Variants in MDN1 observed in about 807,000 individuals in gnomAD.
MDN1 encodes midasin AAA ATPase 1.
In MDN1, 266 loss-of-function variants were observed where a neutral mutation model predicts 669.2. That is an observed-to-expected ratio of 0.40 (90% confidence interval 0.36 to 0.44). The LOEUF is 0.44. Among genes scored for constraint, MDN1 ranks in the 20% least tolerant of loss-of-function variants. MDN1 has a pLI of 1.00. For missense variants in MDN1, 5,940 were observed against 6,754.0 expected, an observed-to-expected ratio of 0.88 and a Z score of 4.22; for synonymous variants, 2,385 against 2,457.1, an observed-to-expected ratio of 0.97 and a Z score of 0.87.
chr6:89,753,427 T>C lies in MDN1; in HGVS notation c.3075+85A>G, dbSNP rs552671673. The C allele has an allele frequency of 2.0e-5, 19 of 962,240 alleles. No homozygotes were observed. The East Asian group carries it at 3.7e-4, about 19-fold the overall frequency. 59.6% of individuals were successfully genotyped at this position (962,240 alleles called of 1,614,324 possible). ...GATTACCTTTATAATTAAAAAGTTA[T>C]GTGAAAAAAAAAAAACCAAACAGCT... On this transcript the variant is annotated intron_variant, in intron 22 of 101. Transcript: ENST00000369393.
chr6:89,680,614 A>G lies in MDN1; in HGVS notation c.12240T>C (p.Leu4080=), dbSNP rs574566251. The G allele has an allele frequency of 5.6e-6, 9 of 1,614,146 alleles. 1 individual carries two copies. In the African/African-American group the frequency reaches 1.2e-4, roughly 22 times the overall value. The change falls in exon 74 of 102, where the codon CTT becomes CTC. Residue 4080 remains leucine, a synonymous_variant. Coordinates refer to ENST00000369393, the MANE Select transcript of MDN1 (RefSeq NM_014611.3). Reference sequence around the variant, plus strand: ...CTGTGAACTGATCAAGGCCCTCCACAAGGCGAGGCAGGGGGCTCTCCTTCA... The same window carrying G: ...CTGTGAACTGATCAAGGCCCTCCACGAGGCGAGGCAGGGGGCTCTCCTTCA... The part of the protein sequence containing the change: ...TFMKESPLPR[L]VEGLDQFTGE...
Position 89,751,598 on chromosome 6 carries a change from G to T in MDN1, c.3076-16C>A. 1.9e-6 allele frequency: 3 copies of T among 1,611,216 alleles called. No homozygotes were observed. The highest frequency in any genetic ancestry group is 2.5e-6 in the Non-Finnish European group (3 of 1,178,846). On this transcript the variant is annotated splice_polypyrimidine_tract_variant and intron_variant, in intron 22 of 101. Transcript: ENST00000369393. ...CTGGAATAGGCTGAAAGACACAGAA[G>T]TTCAAGGAATAACCCACAGTTGTAC... is the stretch of plus-strand genomic sequence containing the variant.
intron 64 of MDN1, 132 bp downstream of exon 64, chr6:89,690,541 G>C (rs964439716): frequency 3.4e-6 from 4 of 1,176,710 alleles, no homozygotes; most frequent in East Asian, 2.5e-5. Context: ...CTGGGTGATA[G>C]AGCAAGACCC....
intron 35 of MDN1, among the ~76,000 whole-genome samples, chr6:89,730,061 T>A (rs1815493608): frequency 6.6e-6 from 1 of 152,206 alleles, no homozygotes; most frequent in South Asian, 2.1e-4. Flanking sequence ...ATGACTCTGC[T>A]ACAGAAACAA....
chr6:89,710,860 T>C, intron 49 of MDN1, 66 bp from the exon 50 acceptor site: 1 of 906,552 alleles, frequency 1.1e-6, no homozygotes, highest in Non-Finnish European at 1.7e-6. Flanking sequence ...CGTTCTGCAG[T>C]GATGAAAATG....
At chr6:89,703,157 G>A (rs899278504) in intron 53 of MDN1, among the ~76,000 whole-genome samples, 9 of 151,880 alleles carry the variant, frequency 5.9e-5, no homozygotes, top group South Asian at 2.1e-4. Flanking sequence ...GCCTGGTCTC[G>A]AACTCCTAAC....
chr6:89,662,025 T>G, intron 87 of MDN1, 62 bp downstream of exon 87: 1 of 1,550,098 alleles, frequency 6.5e-7, no homozygotes, highest in Non-Finnish European at 8.7e-7. Context: ...CCTTGAGAAC[T>G]ATACAGCTCA....
chr6:89,655,579 CCT>C (rs939690071), intron 92 of MDN1, among the ~76,000 whole-genome samples, 183 bp downstream of exon 92: 3 of 152,188 alleles, frequency 2.0e-5, no homozygotes, highest in African/African-American at 2.4e-5. Flanking sequence ...TCCTCTCTCC[CCT>C]GATATAAGTG....
rs1466048002 is a variant in MDN1, at chr6:89,680,563, C to T, written c.12265+26G>A. The stretch of plus-strand genomic sequence containing the variant: ...CCACTGGGGAAAACAGAAAGATCCA[C>T]CCTTGACTTGGATGCTGGCACCCAC... On this transcript the variant is annotated intron_variant, in intron 74 of 101. Coordinates refer to ENST00000369393, the MANE Select transcript of MDN1 (RefSeq NM_014611.3). 1.9e-6 allele frequency: 3 copies of T among 1,608,060 alleles called. No homozygotes were observed. The East Asian group carries it at 6.7e-5, about 36-fold the overall frequency.
At chr6:89,682,699 TAAAAAAAA>T (rs143107841) in intron 73 of MDN1, among the ~76,000 whole-genome samples, 136 of 96,890 alleles carry the variant, frequency 1.4e-3, no homozygotes, top group Middle Eastern at 5.9e-3. Context: ...GACTCTGTCT[TAAAAAAAA>T]AAAAAAAAAA....
intron 2 of MDN1, among the ~76,000 whole-genome samples, chr6:89,801,845 C>G (rs1767687645): frequency 6.6e-6 from 1 of 151,382 alleles, no homozygotes; most frequent in Non-Finnish European, 1.5e-5. Context: ...ATCTGTAGTC[C>G]CAGCTACTCA....
intron 92 of MDN1, among the ~76,000 whole-genome samples, 173 bp downstream of exon 92, chr6:89,655,591 G>A (rs964759263): frequency 6.6e-6 from 1 of 152,126 alleles, no homozygotes; most frequent in Non-Finnish European, 1.5e-5. Flanking sequence ...TGATATAAGT[G>A]TATACAATCA....
In MDN1 at chr6:89,749,529, C is replaced by A. The variant is rs1816842994; in HGVS notation, c.3615+14G>T. 2 of 1,613,042 alleles carry A rather than the reference C, an allele frequency of 1.2e-6. No homozygotes were observed. The highest frequency in any genetic ancestry group is 1.7e-5 in the Admixed American group (1 of 59,972). ...GTGTTAACAAATTGAAGGAAGGAGA[C>A]AAATGCTACATACCTTTCTGCCTCC... On this transcript the variant is annotated intron_variant, in intron 25 of 101. Transcript: ENST00000369393.
Position 89,650,714 on chromosome 6 carries a change from C to G in MDN1, c.16031+18G>C. 6.2e-7 allele frequency: 1 copy of G among 1,601,720 alleles called. No individual in the cohort carries two copies. Among genetic ancestry groups the G allele is most frequent in the African/African-American group, 1.3e-5 (1 of 74,786 alleles). On this transcript the variant is annotated intron_variant, in intron 96 of 101. Coordinates refer to ENST00000369393, the MANE Select transcript of MDN1 (RefSeq NM_014611.3). ...TCTTCTCAGGGCACTGTGAGGCCTT[C>G]CAGAGGGGAAGACTTACTTCAGCTT...
Position 89,732,779 on chromosome 6 carries a change from A to C in MDN1, c.4724-4T>G. The C allele has an allele frequency of 6.2e-7, 1 of 1,612,248 alleles. No homozygotes were observed. The highest frequency in any genetic ancestry group is 8.5e-7 in the Non-Finnish European group (1 of 1,179,240). ...ATCACTTCAGGTATGTCAGACCCTAAACACAAGAAACAAAAAAAGCATTTG... is the reference window on the plus strand; with the variant it reads ...ATCACTTCAGGTATGTCAGACCCTACACACAAGAAACAAAAAAAGCATTTG... On this transcript the variant is annotated splice_polypyrimidine_tract_variant and splice_region_variant and intron_variant, in intron 33 of 101. Coordinates refer to ENST00000369393, the MANE Select transcript of MDN1 (RefSeq NM_014611.3).
intron 62 of MDN1, 69 bp downstream of exon 62, chr6:89,694,005 A>G: frequency 2.4e-6 from 3 of 1,266,960 alleles, no homozygotes; most frequent in Non-Finnish European, 3.5e-6. Flanking sequence ...TTCTACTCAC[A>G]CCATAACTAC....
chr6:89,760,079 AAT>A (rs1318272377), intron 17 of MDN1, among the ~76,000 whole-genome samples: 2 of 108,360 alleles, frequency 1.8e-5, no homozygotes, highest in African/African-American at 3.0e-5. Context: ...CTCAAAAAAA[AAT>A]AATAATAATA....
chr6:89,708,119 T>C (rs1261702251), intron 51 of MDN1, among the ~76,000 whole-genome samples: 1 of 151,978 alleles, frequency 6.6e-6, no homozygotes, highest in African/African-American at 2.4e-5. Context: ...CTGGGCAACA[T>C]GGCAAAACCC....
chr6:89,812,539 T>A (rs1197341829), intron 1 of MDN1, among the ~76,000 whole-genome samples: 1 of 152,186 alleles, frequency 6.6e-6, no homozygotes, highest in African/African-American at 2.4e-5. Flanking sequence ...CATATTTGTA[T>A]GTCTGTATGC....
Sources: allele counts gnomAD v4.1 joint callset (sites outside exome capture counted in the v4.1 genomes callset), GRCh38; gene constraint gnomAD v4.1.1; transcripts MANE v1.5; gene names NCBI Gene and HGNC (gene_info 2026-07-23, HGNC 2026-07-21).